Variants in PLA2G6 observed in about 807,000 individuals in gnomAD.
PLA2G6 encodes the protein phospholipase A2 group VI.
PLA2G6 carries 62 observed loss-of-function variants against 83.8 expected under a neutral mutation model. The observed-to-expected ratio is 0.74, with a 90% confidence interval of 0.60 to 0.91. PLA2G6 has a LOEUF of 0.91. Ranked by LOEUF, PLA2G6 falls within the 40% of genes least tolerant of loss-of-function variation. The pLI, the probability that PLA2G6 is intolerant of heterozygous loss-of-function variation, is 0.00. For missense variants in PLA2G6, 944 were observed against 1,102.0 expected (o/e 0.86, Z 2.03); for synonymous variants, 417 against 449.8 (o/e 0.93, Z 0.92).
Position 38,181,740 on chromosome 22 carries a change from G to T in PLA2G6, c.-122C>A, listed in dbSNP as rs1368773796. 6.6e-6 allele frequency: 1 copy of T among 152,222 alleles called. No homozygotes were observed. Among genetic ancestry groups the T allele is most frequent in the East Asian group, 1.9e-4 (1 of 5,194 alleles). The allele number at this position is 152,222 out of a possible 1,614,324, so 9.4% of individuals were successfully genotyped here. A position where few individuals can be genotyped will look rare whatever the true frequency, so the allele number is the denominator to read the frequency against. Reference sequence around the variant, plus strand: ...GGGAGTCCGGAGCGCCGAGGAAGTTGGGGAACGGACCCCCAGGCCCCGCCC... The same window carrying T: ...GGGAGTCCGGAGCGCCGAGGAAGTTTGGGAACGGACCCCCAGGCCCCGCCC... On this transcript the variant is annotated 5_prime_UTR_variant, in exon 1 of 17. Coordinates refer to ENST00000332509, the MANE Select transcript of PLA2G6 (RefSeq NM_003560.4).
intron 1 of PLA2G6, among the ~76,000 whole-genome samples, chr22:38,171,821 C>T (rs1468029185): frequency 7.3e-6 from 1 of 136,868 alleles, no homozygotes; most frequent in Admixed American, 7.3e-5. Context: ...GACTCCGTCT[C>T]AGAAAAAAAA....
Position 38,143,429 on chromosome 22 carries a change from A to C in PLA2G6, c.426-141T>G, listed in dbSNP as rs117600608. ...GAGCTCAAGAGCATTCCCGCCACTC[A>C]GCTAGTTGGGCTGATTTGAATGTAA... is the stretch of plus-strand genomic sequence containing the variant. On this transcript the variant is annotated intron_variant, in intron 3 of 16. Transcript: ENST00000332509. 0.011 allele frequency: 8,225 copies of C among 782,836 alleles called. 73 individuals carry two copies. Among genetic ancestry groups the C allele is most frequent in the Non-Finnish European group, 0.014 (6,163 of 448,356 alleles). 48.5% of individuals were successfully genotyped at this position (782,836 alleles called of 1,614,324 possible).
At chr22:38,173,238 T>G (rs1432131158) in intron 1 of PLA2G6, among the ~76,000 whole-genome samples, 5 of 151,780 alleles carry the variant, frequency 3.3e-5, no homozygotes, top group Admixed American at 3.3e-4. Flanking sequence ...ACTTCATCTC[T>G]CCCCCTGGCT....
intron 2 of PLA2G6, among the ~76,000 whole-genome samples, chr22:38,162,219 A>AG (rs1193399955): frequency 5.3e-5 from 8 of 150,440 alleles, no homozygotes; most frequent in Admixed American, 3.3e-4. Flanking sequence ...AAAAAAAAAA[A>AG]AAAGAAAAAA....
chr22:38,172,087 G>A (rs133006), intron 1 of PLA2G6, among the ~76,000 whole-genome samples: 1 of 152,126 alleles, frequency 6.6e-6, no homozygotes, highest in South Asian at 2.1e-4. Context: ...CCTGCCAGAC[G>A]GTAAGCTTCG....
chr22:38,125,721 G>A (rs558402660), intron 10 of PLA2G6: 10 of 470,662 alleles, frequency 2.1e-5, no homozygotes, highest in Admixed American at 1.9e-4. Flanking sequence ...ATTCCTCCCT[G>A]GGAAGGCTAT....
chr22:38,117,390 G>A (rs954745785), intron 12 of PLA2G6, among the ~76,000 whole-genome samples: 2 of 152,006 alleles, frequency 1.3e-5, no homozygotes, highest in Non-Finnish European at 2.9e-5. Flanking sequence ...TGTATTTTTA[G>A]TAGAGATGGG....
chr22:38,116,153 T>TC lies in PLA2G6; in HGVS notation c.1800dup (p.Asn601GlufsTer18), dbSNP rs776210772. ...CGGACAGTTTCTGGAGCATCGTAGT[T>TC]CCGGAAGAGGTGGAGTTCAGCCGGC... On this transcript the variant is annotated frameshift_variant, in exon 13 of 17. Coordinates refer to ENST00000332509, the MANE Select transcript of PLA2G6 (RefSeq NM_003560.4). LOFTEE classifies it high-confidence loss of function. 6.2e-7 allele frequency: 1 copy of TC among 1,613,954 alleles called. No individual in the cohort carries two copies. The highest frequency in any genetic ancestry group is 8.5e-7 in the Non-Finnish European group (1 of 1,179,936).
chr22:38,148,377 C>A, intron 2 of PLA2G6: 1 of 623,698 alleles, frequency 1.6e-6, no homozygotes, highest in Non-Finnish European at 2.9e-6. Flanking sequence ...CCATTAACAG[C>A]AGACTAGGGA....
chr22:38,115,686 G>C lies in PLA2G6; in HGVS notation c.1880-5C>G. ...CCGCCCGCCACACCAGCTGGTCTAG[G>C]GGCGGGGAAGGAGGGCGGCCCAGTG... On this transcript the variant is annotated splice_region_variant and splice_polypyrimidine_tract_variant and intron_variant, in intron 13 of 16. Transcript: ENST00000332509. 1 of 1,597,328 alleles carries C rather than the reference G, an allele frequency of 6.3e-7. No individual in the cohort carries two copies. The highest frequency in any genetic ancestry group is 1.1e-5 in the South Asian group (1 of 89,100).
chr22:38,143,739 T>G lies in PLA2G6; in HGVS notation c.426-451A>C, dbSNP rs184123596. The G allele has an allele frequency of 7.1e-4, 212 of 297,980 alleles. 2 individuals are homozygous for G. In the East Asian group the frequency reaches 0.016, roughly 22 times the overall value. 18.5% of individuals were successfully genotyped at this position (297,980 alleles called of 1,614,324 possible). ...CTGGAAACTAAAGTGCAGTGAGGGT[T>G]TTTGTTTTGTTTTGTTTTTTTGAGG... On this transcript the variant is annotated intron_variant, in intron 3 of 16. Transcript: ENST00000332509.
chr22:38,132,564 C>T lies in PLA2G6; in HGVS notation c.1077+267G>A, dbSNP rs951176106. 1.6e-5 allele frequency: 9 copies of T among 557,612 alleles called. No homozygotes were observed. In the African/African-American group the frequency reaches 1.7e-4, roughly 11 times the overall value. The allele number at this position is 557,612 out of a possible 1,614,324, so 34.5% of individuals were successfully genotyped here. A position where few individuals can be genotyped will look rare whatever the true frequency, so the allele number is the denominator to read the frequency against. ...GTCTATGGCCAGAGCTGTCATTTTT[C>T]CCTCTCGTGCCATGCAAGTGCCAAA... On this transcript the variant is annotated intron_variant, in intron 7 of 16. Coordinates refer to ENST00000332509, the MANE Select transcript of PLA2G6 (RefSeq NM_003560.4). The surrounding 1 kb of genome is among the most constrained non-coding windows in gnomAD (Gnocchi z 5.0).
In PLA2G6 at chr22:38,128,183, G is replaced by T; in HGVS notation, c.1348+86C>A. 1 of 1,417,632 alleles carries T rather than the reference G, an allele frequency of 7.1e-7. No homozygotes were observed. Among genetic ancestry groups the T allele is most frequent in the South Asian group, 1.2e-5 (1 of 86,864 alleles). The allele number at this position is 1,417,632 out of a possible 1,614,324, so 87.8% of individuals were successfully genotyped here. On this transcript the variant is annotated intron_variant, in intron 9 of 16. Transcript: ENST00000332509. This position sits in a 1 kb window ranked among gnomAD's most constrained non-coding sequence, Gnocchi z 4.4. ...GCTTCCTTTAGTGACTTCCGTCCTA[G>T]GGATCCTGTTGCTTTGGTGGGGCCT...
At position 38,132,849 on chromosome 22, in the gene PLA2G6, CG is replaced by C; in HGVS notation, c.1058del (p.Pro353ArgfsTer13). The C allele has an allele frequency of 6.5e-7, 1 of 1,549,190 alleles. No individual in the cohort carries two copies. Reference sequence around the variant, plus strand: ...GGCTCACCGACATGGCCAGGTGCAGCGGGGTGTTGCCGTGCTCTCCGCGGGC... The same window carrying C: ...GGCTCACCGACATGGCCAGGTGCAGCGGGTGTTGCCGTGCTCTCCGCGGGC... ...ADARGEHGNTPLHLAMSKDNV... is the reference protein window; with the variant it reads ...ADARGEHGNTXLHLAMSKDNV... On this transcript the variant is annotated frameshift_variant, in exon 7 of 17. Transcript: ENST00000332509. LOFTEE classifies it high-confidence loss of function. The surrounding 1 kb of genome is among the most constrained non-coding windows in gnomAD (Gnocchi z 5.0).
rs760812022 is a variant in PLA2G6 at position 38,139,967 on chromosome 22, G to A, written c.797+15C>T. The A allele has an allele frequency of 4.5e-6, 7 of 1,566,532 alleles. No individual in the cohort carries two copies. The East Asian group carries it at 7.0e-5, about 16-fold the overall frequency. On this transcript the variant is annotated intron_variant, in intron 5 of 16. Coordinates refer to ENST00000332509, the MANE Select transcript of PLA2G6 (RefSeq NM_003560.4). Reference sequence around the variant, plus strand: ...GCCCAGCAGGCCAGCAGATGGGGAGGGGAGGAGGTCTTACCCCTTCTGAGA... The same window carrying A: ...GCCCAGCAGGCCAGCAGATGGGGAGAGGAGGAGGTCTTACCCCTTCTGAGA...
rs1602185022 is a variant in PLA2G6, at chr22:38,145,650, G to A, written c.213C>T (p.Leu71=). 1 of 1,608,494 alleles carries A rather than the reference G, an allele frequency of 6.2e-7. No homozygotes were observed. Among genetic ancestry groups the A allele is most frequent in the Non-Finnish European group, 8.5e-7 (1 of 1,176,406 alleles). Residue 71 remains leucine, a synonymous_variant, in exon 3 of 17, where the codon CTC becomes CTT. Transcript: ENST00000332509. ...CGTCAGCCTCCAACTCCAGCTGGAA[G>A]AGTCTGTAGAGCCAGGACAGAGGAG... ...NPRNSQSGFR[L]FQLELEADAL...
Position 38,114,867 on chromosome 22 carries a change from G to A in PLA2G6, c.2034+660C>T, listed in dbSNP as rs186915876. Among the ~76,000 whole-genome samples, 521 of 152,326 alleles carry A rather than the reference G, an allele frequency of 3.4e-3. 6 individuals are homozygous for A. The highest frequency in any genetic ancestry group is 5.6e-3 in the Non-Finnish European group (383 of 68,012). On this transcript the variant is annotated intron_variant, in intron 14 of 16. Coordinates refer to ENST00000332509, the MANE Select transcript of PLA2G6 (RefSeq NM_003560.4). ...TGGCCCCATTAGGTAGCTGCAGTGA[G>A]TGCAGGCAGAACGGGGACCCCCAGA...
chr22:38,177,206 C>A (rs2090667891), intron 1 of PLA2G6, among the ~76,000 whole-genome samples: 1 of 152,132 alleles, frequency 6.6e-6, no homozygotes, highest in Admixed American at 6.6e-5. Context: ...GCTGGCCACA[C>A]AGCAGGTGCT....
intron 1 of PLA2G6, among the ~76,000 whole-genome samples, chr22:38,177,849 A>C (rs558202514): frequency 3.3e-5 from 5 of 152,266 alleles, no homozygotes; most frequent in Admixed American, 6.5e-5. Flanking sequence ...CACAGGTTAC[A>C]CAGTTTGCCA....
Sources: gnomAD v4.1 joint callset for allele counts (sites outside exome capture counted in the v4.1 genomes callset) on GRCh38, gnomAD v4.1.1 for gene constraint, Gnocchi (gnomAD v3.1) non-coding constraint, MANE v1.5 for transcripts, NCBI Gene and HGNC (gene_info 2026-07-23, HGNC 2026-07-21) for gene names.